Variants in STON2 observed in about 807,000 individuals in gnomAD.
STON2 encodes the protein stonin 2.
STON2 carries 29 observed loss-of-function variants against 65.7 expected under a neutral mutation model. The observed-to-expected ratio is 0.44, with a 90% CI of 0.33 to 0.60. The LOEUF (loss-of-function observed/expected upper bound fraction) is 0.60, where lower values mean the gene tolerates loss of function less well. Among genes scored for constraint, STON2 ranks in the 20% least tolerant of loss-of-function variants. The pLI is 0.03. For missense variants in STON2, 1,054 were observed against 1,118.1 expected (o/e 0.94, Z 0.82); for synonymous variants, 404 against 414.2 (o/e 0.98, Z 0.30).
rs533494324 is a variant in STON2, at chr14:81,413,753, G to A, written c.-199+13349C>T. 3.2e-3 allele frequency among the ~76,000 whole-genome samples: 444 copies of A among 139,386 alleles called. 48 individuals carry two copies. The highest frequency in any genetic ancestry group is 5.3e-3 in the Non-Finnish European group (356 of 66,834). 91.4% of individuals were successfully genotyped at this position (139,386 alleles called of 152,430 possible). A position where few individuals can be genotyped will look rare whatever the true frequency, so the allele number is the denominator to read the frequency against. On this transcript the variant is annotated intron_variant, in intron 2 of 8. Coordinates refer to the STON2 transcript ENST00000553821. Reference sequence around the variant, plus strand: ...GGAGGTTGCAGTGGGCAGAGATCACGCCATTGCACTCCAGCCTGGGCAACA... The same window carrying A: ...GGAGGTTGCAGTGGGCAGAGATCACACCATTGCACTCCAGCCTGGGCAACA...
chr14:81,338,622 A>T (rs1897469474), intron 4 of STON2, among the ~76,000 whole-genome samples: 1 of 152,234 alleles, frequency 6.6e-6, no homozygotes, highest in Non-Finnish European at 1.5e-5. Flanking sequence ...AACCTACTAC[A>T]AGCAACTGGT....
intron 7 of STON2, chr14:81,269,537 T>G: frequency 1.0e-6 from 1 of 985,432 alleles, no homozygotes; most frequent in Non-Finnish European, 1.2e-6. Context: ...TTTATGACGC[T>G]TGACCTACAG....
At position 81,411,909 on chromosome 14, in the gene STON2, T is replaced by C. The variant is rs1901183810; in HGVS notation, c.-198-13329A>G. ...TATACATAGAGTGACAGAAGATGTC[T>C]CTGAAGAGGTGACATTTAACTATCA... is the stretch of plus-strand genomic sequence containing the variant. On this transcript the variant is annotated intron_variant, in intron 2 of 8. Transcript: ENST00000553821. Among the ~76,000 whole-genome samples the C allele has an allele frequency of 1.4e-5, 2 of 141,502 alleles. 1 individual carries two copies. The highest frequency in any genetic ancestry group is 5.7e-5 in the African/African-American group (2 of 34,902). 92.8% of individuals were successfully genotyped at this position (141,502 alleles called of 152,430 possible). A position where few individuals can be genotyped will look rare whatever the true frequency, so the allele number is the denominator to read the frequency against.
intron 4 of STON2, among the ~76,000 whole-genome samples, chr14:81,339,285 C>A (rs1055967190): frequency 3.3e-5 from 5 of 152,096 alleles, no homozygotes; most frequent in African/African-American, 9.7e-5. Context: ...AAAGGTTAAA[C>A]CCCAGAGTGA....
intron 3 of STON2, 147 bp from the exon 4 acceptor site, chr14:81,371,332 C>G (rs1449987809): frequency 4.2e-6 from 3 of 717,068 alleles, no homozygotes; most frequent in Non-Finnish European, 6.8e-6. Context: ...GAGAGTATCA[C>G]TCATGACACA....
At chr14:81,427,723 A>C (rs543282162) in intron 1 of STON2, among the ~76,000 whole-genome samples, 21 of 152,186 alleles carry the variant, frequency 1.4e-4, no homozygotes, top group African/African-American at 4.3e-4. Context: ...GGGAAAAAAA[A>C]AAAGAGAGAG....
intron 4 of STON2, among the ~76,000 whole-genome samples, chr14:81,345,570 T>C (rs1307086578): frequency 6.6e-6 from 1 of 152,130 alleles, no homozygotes; most frequent in East Asian, 1.9e-4. Flanking sequence ...GAGACCAGCC[T>C]GGGTAACATG....
At chr14:81,421,381 G>A (rs1433061320) in intron 2 of STON2, among the ~76,000 whole-genome samples, 3 of 152,210 alleles carry the variant, frequency 2.0e-5, no homozygotes, top group African/African-American at 4.8e-5. Context: ...GCTGGGTTTT[G>A]TCATAAAGGC....
At chr14:81,316,817 A>T (rs983833307) in intron 5 of STON2, among the ~76,000 whole-genome samples, 1 of 152,112 alleles carries the variant, frequency 6.6e-6, no homozygotes, top group Non-Finnish European at 1.5e-5. Context: ...TCAAGAGATT[A>T]AGACCATCCT....
intron 4 of STON2, among the ~76,000 whole-genome samples, chr14:81,363,043 G>A (rs576199661): frequency 6.6e-6 from 1 of 152,150 alleles, no homozygotes; most frequent in East Asian, 1.9e-4. Context: ...TCCAGCAAGC[G>A]ACTGTGTTCA....
chr14:81,400,667 TGAA>T (rs768117922), upstream of STON2, among the ~76,000 whole-genome samples: 142 of 152,108 alleles, frequency 9.3e-4, no homozygotes, highest in Non-Finnish European at 1.8e-3. Context: ...AATTTTAAAC[TGAA>T]AGGTTTTAAA....
intron 1 of STON2, among the ~76,000 whole-genome samples, chr14:81,432,929 C>CAGGG: frequency 6.6e-6 from 1 of 152,168 alleles, no homozygotes; most frequent in Non-Finnish European, 1.5e-5. Flanking sequence ...CTTAATGTCT[C>CAGGG]CCCTTAGTTT....
intron 4 of STON2, among the ~76,000 whole-genome samples, chr14:81,335,965 C>T (rs1053629209): frequency 7.2e-5 from 11 of 151,926 alleles, no homozygotes; most frequent in African/African-American, 2.4e-4. Context: ...TTTTGTAGAG[C>T]TCAGCAGCAC....
intron 2 of STON2, among the ~76,000 whole-genome samples, chr14:81,396,506 C>T (rs1305987455): frequency 6.6e-6 from 1 of 152,142 alleles, no homozygotes; most frequent in Non-Finnish European, 1.5e-5. Flanking sequence ...AGGAAATATA[C>T]CTGAGTCAAG....
intron 5 of STON2, among the ~76,000 whole-genome samples, chr14:81,303,379 C>A (rs571249374): frequency 1.7e-4 from 26 of 152,292 alleles, no homozygotes; most frequent in African/African-American, 6.3e-4. Flanking sequence ...TGCACACTTG[C>A]AGGTGTGGCT....
chr14:81,271,513 T>C (rs1040855124), intron 6 of STON2, among the ~76,000 whole-genome samples: 6 of 152,008 alleles, frequency 3.9e-5, no homozygotes, highest in Non-Finnish European at 7.4e-5. Context: ...TCCTTTATAC[T>C]CTCCAGGCCT....
Position 81,281,010 on chromosome 14 carries a change from C to CAA in STON2, c.743-2273_743-2272dup, listed in dbSNP as rs796161809. The stretch of plus-strand genomic sequence containing the variant: ...TGAGCGATAGAGCGAAACTCCGTCT[C>CAA]AAAAAAAAAAAAAAAAGAAAAGAAA... On this transcript the variant is annotated intron_variant, in intron 5 of 7. Coordinates refer to ENST00000614646, the MANE Select transcript of STON2 (RefSeq NM_001394390.1). 2.3e-3 allele frequency among the ~76,000 whole-genome samples: 147 copies of CAA among 63,066 alleles called. 2 individuals are homozygous for CAA. In the South Asian group the frequency reaches 0.025, roughly 11 times the overall value. 41.4% of individuals were successfully genotyped at this position (63,066 alleles called of 152,430 possible). A position where few individuals can be genotyped will look rare whatever the true frequency, so the allele number is the denominator to read the frequency against.
intron 5 of STON2, among the ~76,000 whole-genome samples, chr14:81,294,707 T>C (rs984593253): frequency 2.0e-5 from 3 of 152,196 alleles, no homozygotes; most frequent in Non-Finnish European, 4.4e-5. Flanking sequence ...GGGCCTTTGA[T>C]AAAGTCATGG....
At chr14:81,391,202 G>GTAT (rs1194824822) in intron 3 of STON2, among the ~76,000 whole-genome samples, 1 of 152,208 alleles carries the variant, frequency 6.6e-6, no homozygotes, top group African/African-American at 2.4e-5. Context: ...ACTCAGCTTA[G>GTAT]TATTACTGGA....
Sources: gnomAD v4.1 joint callset for allele counts (sites outside exome capture counted in the v4.1 genomes callset) on GRCh38, gnomAD v4.1.1 for gene constraint, MANE v1.5 for transcripts, NCBI Gene and HGNC (gene_info 2026-07-23, HGNC 2026-07-21) for gene names.